FHIP1A: variants seen among roughly 807,000 people sequenced by gnomAD.
FHIP1A encodes the protein FHF complex subunit HOOK interacting protein 1A, also known as FHF complex subunit HOOK-interacting protein 1A.
Under a neutral mutation model 88.6 loss-of-function variants are expected in FHIP1A, and 61 were observed. The ratio of observed to expected loss-of-function variants is 0.69; its 90% CI spans 0.56 to 0.85. The LOEUF is 0.85. Ranked by LOEUF, FHIP1A falls within the 40% of genes least tolerant of loss-of-function variation. The pLI is 0.00. For missense variants in FHIP1A, 1,154 were observed against 1,273.5 expected, an observed-to-expected ratio of 0.91 and a Z score of 1.43; for synonymous variants, 478 against 496.0, an observed-to-expected ratio of 0.96 and a Z score of 0.48.
At chr4:151,497,389 GT>G (rs1240251047) in intron 3 of FHIP1A, among the ~76,000 whole-genome samples, 1 of 151,974 alleles carries the variant, frequency 6.6e-6, no homozygotes, top group East Asian at 1.9e-4. Flanking sequence ...CCAGTCACCT[GT>G]TTTTTTATGG....
At chr4:151,547,784 G>A (rs979028671) in intron 3 of FHIP1A, among the ~76,000 whole-genome samples, 4 of 152,074 alleles carry the variant, frequency 2.6e-5, no homozygotes. Context: ...CATGGTGGCG[G>A]GTGCTTGTAA....
chr4:151,623,965 C>T (rs80264271), intron 7 of FHIP1A, among the ~76,000 whole-genome samples: 5,226 of 152,266 alleles, frequency 0.034, 228 homozygotes, highest in East Asian at 0.16. Context: ...CTGCTTACAA[C>T]AGCAAAACAC....
intron 8 of FHIP1A, among the ~76,000 whole-genome samples, chr4:151,635,217 G>GA (rs956710683): frequency 1.3e-5 from 2 of 151,792 alleles, no homozygotes; most frequent in Non-Finnish European, 3.0e-5. Flanking sequence ...CCAAAAAACA[G>GA]AAAAAATTAG....
At chr4:151,452,550 A>T (rs1425984110) in intron 1 of FHIP1A, among the ~76,000 whole-genome samples, 1 of 152,070 alleles carries the variant, frequency 6.6e-6, no homozygotes, top group East Asian at 1.9e-4. Context: ...AGATGGTGAA[A>T]CCCTGTCTCT....
chr4:151,529,017 C>G (rs1188937785), intron 3 of FHIP1A, among the ~76,000 whole-genome samples: 1 of 152,158 alleles, frequency 6.6e-6, no homozygotes, highest in Non-Finnish European at 1.5e-5. Flanking sequence ...GCATCTTGAG[C>G]CCTTCTCAGT....
intron 4 of FHIP1A, among the ~76,000 whole-genome samples, chr4:151,568,911 C>T (rs957859925): frequency 6.6e-6 from 1 of 152,094 alleles, no homozygotes; most frequent in African/African-American, 2.4e-5. Context: ...GCAAAAAAAT[C>T]AGAGCCAGGC....
rs543290551 is a variant in FHIP1A at position 151,437,193 on chromosome 4, A to G, written c.-355-17508A>G. 2.6e-5 allele frequency among the ~76,000 whole-genome samples: 4 copies of G among 152,084 alleles called. 1 individual carries two copies. The South Asian group carries it at 8.3e-4, about 32-fold the overall frequency. Reference sequence around the variant, plus strand: ...GTTTTGCATGCAAAATAATGGCTGAATTGAGTATTAGTAAGCCATTCAAAA... The same window carrying G: ...GTTTTGCATGCAAAATAATGGCTGAGTTGAGTATTAGTAAGCCATTCAAAA... On this transcript the variant is annotated intron_variant, in intron 1 of 13. Transcript: ENST00000435205.
chr4:151,653,865 G>T (rs891276766), intron 11 of FHIP1A, among the ~76,000 whole-genome samples: 1 of 152,156 alleles, frequency 6.6e-6, no homozygotes, highest in African/African-American at 2.4e-5. Flanking sequence ...GCGGTGAGTG[G>T]ATGACAGGAG....
At chr4:151,616,592 G>A (rs1215631924) in intron 7 of FHIP1A, among the ~76,000 whole-genome samples, 1 of 151,372 alleles carries the variant, frequency 6.6e-6, no homozygotes, top group Non-Finnish European at 1.5e-5. Context: ...GGAACTACAG[G>A]TGCCCGCCAC....
intron 10 of FHIP1A, among the ~76,000 whole-genome samples, chr4:151,647,313 C>A (rs1265466874): frequency 6.6e-6 from 1 of 152,154 alleles, no homozygotes; most frequent in Non-Finnish European, 1.5e-5. Context: ...ACTGAAATGG[C>A]CATCTCTGTC....
chr4:151,607,724 A>G (rs1245287948), intron 7 of FHIP1A, among the ~76,000 whole-genome samples: 2 of 152,152 alleles, frequency 1.3e-5, no homozygotes, highest in Admixed American at 6.5e-5. Flanking sequence ...AATAATACCT[A>G]CCTTATCGGG....
chr4:151,457,682 T>G (rs1237103558), intron 2 of FHIP1A, among the ~76,000 whole-genome samples: 2 of 152,208 alleles, frequency 1.3e-5, no homozygotes, highest in African/African-American at 4.8e-5. Flanking sequence ...GTATACTGTC[T>G]GGCTGCCCTA....
In FHIP1A at chr4:151,410,203, T is replaced by C. The variant is rs74928203; in HGVS notation, c.-356+738T>C. On this transcript the variant is annotated intron_variant, in intron 1 of 13. Transcript: ENST00000435205. ...CACATGAGCAGGTCTAGTGAATTAG[T>C]GTCCCAGCCTCCTGGACCCACCCAT... Among the ~76,000 whole-genome samples, 1,465 of 152,330 alleles carry C rather than the reference T, an allele frequency of 9.6e-3. 22 individuals carry two copies. The highest frequency in any genetic ancestry group is 0.032 in the African/African-American group (1,343 of 41,576).
intron 3 of FHIP1A, among the ~76,000 whole-genome samples, chr4:151,522,499 G>A (rs185669189): frequency 3.9e-5 from 6 of 152,334 alleles, no homozygotes; most frequent in Admixed American, 2.6e-4. Flanking sequence ...AGTCAGTGGA[G>A]GTTTAACCAG....
At chr4:151,494,457 A>G (rs1162138905) in intron 3 of FHIP1A, among the ~76,000 whole-genome samples, 4 of 151,868 alleles carry the variant, frequency 2.6e-5, no homozygotes, top group Admixed American at 2.6e-4. Flanking sequence ...GTTTTTGTCA[A>G]CTTTGTTGAA....
At chr4:151,504,244 A>G (rs1007708915) in intron 3 of FHIP1A, among the ~76,000 whole-genome samples, 2 of 152,196 alleles carry the variant, frequency 1.3e-5, no homozygotes, top group Non-Finnish European at 1.5e-5. Flanking sequence ...ACAAGCTACA[A>G]TGCCTGTACA....
At chr4:151,615,192 A>G (rs1386171641) in intron 7 of FHIP1A, among the ~76,000 whole-genome samples, 1 of 152,190 alleles carries the variant, frequency 6.6e-6, no homozygotes, top group African/African-American at 2.4e-5. Context: ...CAGATATTCA[A>G]TTTCAAAGGA....
In FHIP1A at chr4:151,646,467, G is replaced by A; in HGVS notation, c.1227-91G>A. 5 of 829,006 alleles carry A rather than the reference G, an allele frequency of 6.0e-6. No homozygotes were observed. In the South Asian group the frequency reaches 8.5e-5, roughly 14 times the overall value. The allele number at this position is 829,006 out of a possible 1,614,324, so 51.4% of individuals were successfully genotyped here. ...CTGAGAGAGGATGAGTCTGCCCCTGGCCACAAGGAGTCCCTGTTATGGTTT... is the reference window on the plus strand; with the variant it reads ...CTGAGAGAGGATGAGTCTGCCCCTGACCACAAGGAGTCCCTGTTATGGTTT... On this transcript the variant is annotated intron_variant, in intron 9 of 13. Transcript: ENST00000435205.
At chr4:151,540,575 G>C (rs1420412562) in intron 3 of FHIP1A, among the ~76,000 whole-genome samples, 5 of 152,154 alleles carry the variant, frequency 3.3e-5, no homozygotes, top group Admixed American at 6.5e-5. Context: ...TAAGCTCAAA[G>C]GTGTTCAGAA....
Sources: gnomAD v4.1 joint callset for allele counts (sites outside exome capture counted in the v4.1 genomes callset) on GRCh38, gnomAD v4.1.1 for gene constraint, MANE v1.5 for transcripts, NCBI Gene and HGNC (gene_info 2026-07-23, HGNC 2026-07-21) for gene names.